CAAP1: variants seen among roughly 807,000 people sequenced by gnomAD.
CAAP1 encodes conserved anti-apoptotic protein.
CAAP1 carries 20 observed loss-of-function variants against 34.0 expected under a neutral mutation model. The observed-to-expected ratio is 0.59, with a 90% CI of 0.41 to 0.86. The LOEUF (loss-of-function observed/expected upper bound fraction) is 0.86, where lower values mean the gene tolerates loss of function less well. Ranked by LOEUF, CAAP1 falls within the 40% of genes least tolerant of loss-of-function variation. The pLI is 0.00. For missense variants in CAAP1, 538 were observed against 450.5 expected, an observed-to-expected ratio of 1.19 and a Z score of -1.76; for synonymous variants, 213 against 166.7, an observed-to-expected ratio of 1.28 and a Z score of -2.14.
chr9:26,865,048 A>G (rs1409765828), intron 4 of CAAP1, among the ~76,000 whole-genome samples: 4 of 152,230 alleles, frequency 2.6e-5, no homozygotes, highest in African/African-American at 4.8e-5. Flanking sequence ...TCTGCTCTTT[A>G]TATGTGTCTA....
intron 5 of CAAP1, among the ~76,000 whole-genome samples, chr9:26,845,963 G>A (rs979243743): frequency 2.6e-5 from 4 of 151,346 alleles, no homozygotes; most frequent in Non-Finnish European, 1.5e-5. Flanking sequence ...AAATGGATGA[G>A]GGGTAGGCCT....
chr9:26,876,846 G>A (rs1163228606), intron 4 of CAAP1, among the ~76,000 whole-genome samples: 1 of 152,086 alleles, frequency 6.6e-6, no homozygotes, highest in African/African-American at 2.4e-5. Flanking sequence ...GTGCATAGAA[G>A]TTTAATACTT....
chr9:26,868,343 G>C (rs1193282067), intron 4 of CAAP1, among the ~76,000 whole-genome samples: 2 of 152,150 alleles, frequency 1.3e-5, no homozygotes, highest in Admixed American at 1.3e-4. Flanking sequence ...AGAAGAAATG[G>C]CAATATCACC....
At chr9:26,888,323 T>C (rs945070743) in intron 1 of CAAP1, among the ~76,000 whole-genome samples, 3 of 152,264 alleles carry the variant, frequency 2.0e-5, no homozygotes, top group Non-Finnish European at 4.4e-5. Context: ...CTTCTTTGAA[T>C]TACTCGACTG....
chr9:26,847,259 G>A (rs1290614662), intron 5 of CAAP1, among the ~76,000 whole-genome samples: 3 of 110,470 alleles, frequency 2.7e-5, no homozygotes, highest in African/African-American at 7.2e-5. Flanking sequence ...CTGTCACCCA[G>A]GCTGGAGTGC....
chr9:26,859,484 G>A (rs1427130983), intron 5 of CAAP1, among the ~76,000 whole-genome samples: 1 of 152,040 alleles, frequency 6.6e-6, no homozygotes, highest in African/African-American at 2.4e-5. Flanking sequence ...ATCCTTTATA[G>A]AACATTCTCT....
At chr9:26,890,279 G>A (rs1406351593) in intron 1 of CAAP1, among the ~76,000 whole-genome samples, 5 of 151,728 alleles carry the variant, frequency 3.3e-5, no homozygotes, top group Non-Finnish European at 2.9e-5. Context: ...ACTGAGCCAG[G>A]ACAATTACTT....
At chr9:26,890,591 G>C (rs943809268) in intron 1 of CAAP1, among the ~76,000 whole-genome samples, 1 of 151,900 alleles carries the variant, frequency 6.6e-6, no homozygotes, top group African/African-American at 2.4e-5. Context: ...AAAACACAAA[G>C]CTTCCTAATT....
intron 3 of CAAP1, 141 bp downstream of exon 3, chr9:26,885,963 G>A (rs2131341095): frequency 2.4e-6 from 1 of 413,680 alleles, no homozygotes; most frequent in Non-Finnish European, 4.4e-6. Flanking sequence ...ATTTTTTAGT[G>A]CAAATAGAAG....
intron 4 of CAAP1, among the ~76,000 whole-genome samples, chr9:26,878,148 T>C (rs1587120510): frequency 6.6e-6 from 1 of 152,346 alleles, no homozygotes; most frequent in East Asian, 1.9e-4. Context: ...TAAAAAATCA[T>C]ATTTTCCAGC....
chr9:26,866,683 T>C (rs1358956542), intron 4 of CAAP1, among the ~76,000 whole-genome samples: 1 of 152,186 alleles, frequency 6.6e-6, no homozygotes, highest in Non-Finnish European at 1.5e-5. Context: ...CTCCACCTCT[T>C]TACTGCCAGG....
At chr9:26,868,825 T>C (rs1326671584) in intron 4 of CAAP1, among the ~76,000 whole-genome samples, 3 of 152,274 alleles carry the variant, frequency 2.0e-5, no homozygotes, top group African/African-American at 4.8e-5. Flanking sequence ...CAGTTTTACA[T>C]TAAAAAAGAC....
intron 4 of CAAP1, among the ~76,000 whole-genome samples, chr9:26,884,270 T>C (rs1823671984): frequency 6.6e-6 from 1 of 152,220 alleles, no homozygotes; most frequent in African/African-American, 2.4e-5. Context: ...AATTAGCATG[T>C]AGCTTCTTGA....
intron 4 of CAAP1, among the ~76,000 whole-genome samples, chr9:26,877,979 T>A (rs948256073): frequency 6.6e-6 from 1 of 152,132 alleles, no homozygotes; most frequent in African/African-American, 2.4e-5. Flanking sequence ...TTCCTACTTA[T>A]TATACATGAG....
intron 5 of CAAP1, among the ~76,000 whole-genome samples, chr9:26,857,961 T>C (rs1822911380): frequency 6.6e-6 from 1 of 152,258 alleles, no homozygotes; most frequent in South Asian, 2.1e-4. Flanking sequence ...ATGCTCTAAA[T>C]ACTGATAATG....
intron 4 of CAAP1, among the ~76,000 whole-genome samples, chr9:26,881,768 G>A (rs976252513): frequency 1.3e-5 from 2 of 152,218 alleles, no homozygotes; most frequent in African/African-American, 4.8e-5. Context: ...ATAACAGGCA[G>A]AGGTTAGAAC....
At chr9:26,865,176 G>GA (rs1486025526) in intron 4 of CAAP1, among the ~76,000 whole-genome samples, 1 of 151,912 alleles carries the variant, frequency 6.6e-6, no homozygotes, top group Non-Finnish European at 1.5e-5. Context: ...TGTAATAAAT[G>GA]AAAAAAATAG....
At chr9:26,844,810 G>A (rs890697360) in intron 5 of CAAP1, among the ~76,000 whole-genome samples, 1 of 152,160 alleles carries the variant, frequency 6.6e-6, no homozygotes, top group South Asian at 2.1e-4. Flanking sequence ...GCTTTTGTCT[G>A]TAATCTAGTT....
At chr9:26,864,635 C>G (rs1343318716) in intron 4 of CAAP1, among the ~76,000 whole-genome samples, 1 of 152,172 alleles carries the variant, frequency 6.6e-6, no homozygotes, top group Non-Finnish European at 1.5e-5. Context: ...TGTGAATAGG[C>G]ATTTTCCTAA....
Sources: gnomAD v4.1 joint callset for allele counts (sites outside exome capture counted in the v4.1 genomes callset) on GRCh38, gnomAD v4.1.1 for gene constraint, MANE v1.5 for transcripts, NCBI Gene and HGNC (gene_info 2026-07-23, HGNC 2026-07-21) for gene names.